The following NBPF11 variants were observed in gnomAD, a reference collection of about 807,000 sequenced individuals.
NBPF11 encodes the protein NBPF family member NBPF11.
In NBPF11, 72 loss-of-function variants were observed where a neutral mutation model predicts 93.9. The ratio of observed to expected loss-of-function variants is 0.77; its 90% CI spans 0.63 to 0.93. NBPF11 has a LOEUF of 0.93. Ranked by LOEUF, NBPF11 falls within the 40% of genes least tolerant of loss-of-function variation. The pLI is 0.00. For synonymous variants in NBPF11, 224 were observed against 304.9 expected, an observed-to-expected ratio of 0.73 and a Z score of 2.76; for missense variants, 705 against 802.2, an observed-to-expected ratio of 0.88 and a Z score of 1.46.
rs1353281073 is a variant in NBPF11 at position 148,149,691 on chromosome 1, G to C, written c.-549+2059C>G. ...GCCCAGGGGACCCCGCCCCGACCCA[G>C]GGGCTGTGGACGATGTACAGGCAAC... On this transcript the variant is annotated intron_variant, in intron 1 of 23. Transcript: ENST00000682118. 3.7e-5 allele frequency: 25 copies of C among 668,678 alleles called. 1 individual carries two copies. The Admixed American group carries it at 7.3e-4, about 19-fold the overall frequency. The allele number at this position is 668,678 out of a possible 1,614,324, so 41.4% of individuals were successfully genotyped here. A position where few individuals can be genotyped will look rare whatever the true frequency, so the allele number is the denominator to read the frequency against.
At chr1:148,132,723 C>T (rs1470339222) in intron 4 of NBPF11, among the ~76,000 whole-genome samples, 17 of 33,212 alleles carry the variant, frequency 5.1e-4, no homozygotes, top group African/African-American at 9.2e-4. Flanking sequence ...GTTGACTTTC[C>T]TTTTTTTTTT....
chr1:148,138,609 A>G lies in NBPF11; in HGVS notation c.-276-800T>C, dbSNP rs1452826180. Among the ~76,000 whole-genome samples the G allele has an allele frequency of 1.7e-4, 26 of 151,420 alleles. 1 individual carries two copies. The highest frequency in any genetic ancestry group is 6.3e-4 in the African/African-American group (26 of 41,006). On this transcript the variant is annotated intron_variant, in intron 2 of 23. Transcript: ENST00000682118. ...CATTTGTTTAACAAAGCACACCCTGAACAGCCCTTAATCCATTTAACCCTG... is the reference window on the plus strand; with the variant it reads ...CATTTGTTTAACAAAGCACACCCTGGACAGCCCTTAATCCATTTAACCCTG...
intron 19 of NBPF11, among the ~76,000 whole-genome samples, chr1:148,107,453 T>C (rs2149174733): frequency 6.6e-6 from 1 of 151,624 alleles, no homozygotes; most frequent in South Asian, 2.1e-4. Context: ...TCAATAATTT[T>C]CCATAAACTT....
At chr1:148,134,354 C>A (rs1670926720) in intron 4 of NBPF11, among the ~76,000 whole-genome samples, 2 of 150,900 alleles carry the variant, frequency 1.3e-5, no homozygotes, top group Non-Finnish European at 1.5e-5. Flanking sequence ...CGGACCTCAC[C>A]TTCCTCTCAC....
chr1:148,145,824 A>C (rs1235554642), intron 1 of NBPF11, among the ~76,000 whole-genome samples: 2 of 151,170 alleles, frequency 1.3e-5, no homozygotes, highest in Non-Finnish European at 2.9e-5. Context: ...AGGTTGCACT[A>C]AGCTGTGATT....
At chr1:148,118,288 G>A (rs1667034290) in intron 11 of NBPF11, among the ~76,000 whole-genome samples, 3 of 151,912 alleles carry the variant, frequency 2.0e-5, no homozygotes, top group Non-Finnish European at 4.4e-5. Flanking sequence ...ATTCTCACTA[G>A]GGTAAGTGGG....
rs200395353 is a variant in NBPF11, at chr1:148,132,355, ATT to A, written c.-36+3315_-36+3316del. Among the ~76,000 whole-genome samples the A allele has an allele frequency of 2.3e-3, 323 of 139,034 alleles. 1 individual carries two copies. The highest frequency in any genetic ancestry group is 7.1e-3 in the African/African-American group (265 of 37,414). 91.2% of individuals were successfully genotyped at this position (139,034 alleles called of 152,430 possible). A position where few individuals can be genotyped will look rare whatever the true frequency, so the allele number is the denominator to read the frequency against. On this transcript the variant is annotated intron_variant, in intron 4 of 23. Transcript: ENST00000682118. ...CTTCTCTTCCACTGATATATATTCT[ATT>A]TTTTTTTTTCAACAAAACACATAAT...
intron 16 of NBPF11, 100 bp from the exon 17 acceptor site, chr1:148,109,435 T>C: frequency 1.2e-6 from 1 of 861,618 alleles, no homozygotes; most frequent in Non-Finnish European, 1.9e-6. Context: ...ATCAGTCTTG[T>C]CAGTGTGAAA....
intron 1 of NBPF11, chr1:148,149,459 C>T (rs2149316782): frequency 6.3e-7 from 1 of 1,588,942 alleles, no homozygotes; most frequent in African/African-American, 1.4e-5. Context: ...GGCGGTGGAG[C>T]CGCTGTGGGT....
chr1:148,143,042 C>T (rs1341480542), intron 2 of NBPF11, among the ~76,000 whole-genome samples: 1 of 149,438 alleles, frequency 6.7e-6, no homozygotes, highest in Non-Finnish European at 1.5e-5. Context: ...GCCATGAAAG[C>T]TGAAGAGGAG....
rs1252132319 is a variant in NBPF11, at chr1:148,102,235, T to C, written c.*1661A>G. 6.6e-6 allele frequency: 1 copy of C among 151,822 alleles called. No individual in the cohort carries two copies. Among genetic ancestry groups the C allele is most frequent in the East Asian group, 1.9e-4 (1 of 5,208 alleles). 9.4% of individuals were successfully genotyped at this position (151,822 alleles called of 1,614,324 possible). A position where few individuals can be genotyped will look rare whatever the true frequency, so the allele number is the denominator to read the frequency against. On this transcript the variant is annotated 3_prime_UTR_variant, in exon 24 of 24. Coordinates refer to ENST00000682118, the MANE Select transcript of NBPF11 (RefSeq NM_001385469.3). ...TCAGGCAAAGAATGTTTTCTTCTTT[T>C]TGCAACAGCAGACACTAGTAAAAAC...
At chr1:148,139,031 C>T (rs1456706049) in intron 2 of NBPF11, among the ~76,000 whole-genome samples, 13 of 151,096 alleles carry the variant, frequency 8.6e-5, no homozygotes, top group Non-Finnish European at 1.8e-4. Flanking sequence ...GTGGAGGTTG[C>T]AGTGAGCTGA....
At chr1:148,138,779 A>G (rs1671743089) in intron 2 of NBPF11, among the ~76,000 whole-genome samples, 1 of 151,878 alleles carries the variant, frequency 6.6e-6, no homozygotes, top group African/African-American at 2.4e-5. Context: ...CACAGTAACA[A>G]TCTGATCTCT....
At chr1:148,109,542 G>C in intron 16 of NBPF11, 1 of 633,920 alleles carries the variant, frequency 1.6e-6, no homozygotes, top group Non-Finnish European at 2.8e-6. Flanking sequence ...AAATTCCCCT[G>C]TGTTGGAATG....
chr1:148,122,889 T>A, intron 7 of NBPF11, 88 bp from the exon 8 acceptor site: 1 of 1,604,212 alleles, frequency 6.2e-7, no homozygotes, highest in South Asian at 1.1e-5. Flanking sequence ...CATGAATATC[T>A]ATGTATGGTT....
Position 148,132,609 on chromosome 1 carries a change from C to CT in NBPF11, c.-36+3062dup, listed in dbSNP as rs1407226238. 7.4e-5 allele frequency among the ~76,000 whole-genome samples: 11 copies of CT among 148,324 alleles called. No individual in the cohort carries two copies. The East Asian group carries it at 1.8e-3, about 24-fold the overall frequency. ...AACTGACTCTTTAAACATAACAACT[C>CT]TTCTGATCCATGACAAGGTTTATCT... On this transcript the variant is annotated intron_variant, in intron 4 of 23. Transcript: ENST00000682118.
intron 18 of NBPF11, among the ~76,000 whole-genome samples, chr1:148,108,224 T>C (rs1415834989): frequency 1.3e-5 from 2 of 151,490 alleles, no homozygotes; most frequent in Admixed American, 6.6e-5. Context: ...TTGTCACATC[T>C]GCCCAGATCC....
intron 20 of NBPF11, among the ~76,000 whole-genome samples, chr1:148,106,715 G>A (rs1424265770): frequency 2.0e-5 from 3 of 148,776 alleles, no homozygotes; most frequent in South Asian, 2.1e-4. Context: ...GTGGGCTCAG[G>A]TTGCCATAGG....
chr1:148,124,854 A>C, intron 6 of NBPF11, 45 bp downstream of exon 6: 1 of 1,599,656 alleles, frequency 6.3e-7, no homozygotes, highest in South Asian at 1.1e-5. Flanking sequence ...TACTTCAGAG[A>C]TCTACACACC....
Sources: gnomAD v4.1 joint callset for allele counts (sites outside exome capture counted in the v4.1 genomes callset) on GRCh38, gnomAD v4.1.1 for gene constraint, MANE v1.5 for transcripts, NCBI Gene and HGNC (gene_info 2026-07-23, HGNC 2026-07-21) for gene names.